Variants in PKHD1 observed in about 807,000 individuals in gnomAD.
PKHD1 encodes fibrocystin.
A neutral mutation model predicts 412.0 loss-of-function variants in PKHD1; 291 were observed. The ratio of observed to expected loss-of-function variants is 0.71; its 90% CI spans 0.64 to 0.78. The LOEUF (loss-of-function observed/expected upper bound fraction) is 0.78, where lower values mean the gene tolerates loss of function less well. Ranked by LOEUF, PKHD1 falls within the 30% of genes least tolerant of loss-of-function variation. PKHD1 has a pLI of 0.00. For missense variants in PKHD1, 4,825 were observed against 4,950.7 expected (o/e 0.97, Z 0.76); for synonymous variants, 1,777 against 1,821.5 (o/e 0.98, Z 0.62).
intron 55 of PKHD1, among the ~76,000 whole-genome samples, chr6:51,763,830 A>G (rs1788456532): frequency 6.6e-6 from 1 of 151,996 alleles, no homozygotes; most frequent in Non-Finnish European, 1.5e-5. Context: ...TGCTGTCTAC[A>G]TTCTGCCTAC....
chr6:51,831,240 C>T (rs1768193381), intron 51 of PKHD1, among the ~76,000 whole-genome samples: 1 of 152,096 alleles, frequency 6.6e-6, no homozygotes, highest in African/African-American at 2.4e-5. Flanking sequence ...ATATGGCATG[C>T]TTATCATGAA....
intron 60 of PKHD1, among the ~76,000 whole-genome samples, chr6:51,711,788 T>C (rs750457137): frequency 2.6e-5 from 4 of 152,252 alleles, no homozygotes; most frequent in South Asian, 2.1e-4. Context: ...AAGAAATGTG[T>C]ATTTTATTAA....
At chr6:51,987,605 T>C (rs1474657273) in intron 35 of PKHD1, among the ~76,000 whole-genome samples, 1 of 152,112 alleles carries the variant, frequency 6.6e-6, no homozygotes, top group Non-Finnish European at 1.5e-5. Context: ...AAAAGTTTCA[T>C]AAATCTGAAA....
At chr6:51,999,634 A>T (rs937114335) in intron 35 of PKHD1, among the ~76,000 whole-genome samples, 2 of 152,166 alleles carry the variant, frequency 1.3e-5, no homozygotes, top group Non-Finnish European at 2.9e-5. Flanking sequence ...AATCAACAAG[A>T]ATTAAAAAGA....
At chr6:51,699,720 G>A (rs1489906894) in intron 60 of PKHD1, among the ~76,000 whole-genome samples, 1 of 152,074 alleles carries the variant, frequency 6.6e-6, no homozygotes, top group Non-Finnish European at 1.5e-5. Context: ...TATATAATGT[G>A]ACAGAGGAAG....
At chr6:51,637,911 CA>C (rs1042618803) in intron 64 of PKHD1, among the ~76,000 whole-genome samples, 7 of 149,072 alleles carry the variant, frequency 4.7e-5, no homozygotes, top group East Asian at 1.9e-4. Flanking sequence ...CTCAAAAAAA[CA>C]AAAAAAAATC....
chr6:52,059,882 A>G (rs1808412597), intron 15 of PKHD1, 46 bp downstream of exon 15: 1 of 895,982 alleles, frequency 1.1e-6, no homozygotes, highest in Non-Finnish European at 1.9e-6. Flanking sequence ...CTTCATGGGT[A>G]TGGGACTGGC....
chr6:51,643,751 C>CCT (rs1581803629), intron 63 of PKHD1, among the ~76,000 whole-genome samples: 1 of 152,120 alleles, frequency 6.6e-6, no homozygotes, highest in East Asian at 1.9e-4. Flanking sequence ...CGTAGGCAAA[C>CCT]ATGCGCCGTG....
chr6:51,773,196 A>G (rs1011757616), intron 54 of PKHD1, among the ~76,000 whole-genome samples: 1 of 151,822 alleles, frequency 6.6e-6, no homozygotes, highest in Non-Finnish European at 1.5e-5. Flanking sequence ...GGTTAACTCT[A>G]TTTCCTTAGG....
intron 36 of PKHD1, among the ~76,000 whole-genome samples, chr6:51,942,087 CA>C (rs1174012584): frequency 6.6e-6 from 1 of 151,684 alleles, no homozygotes; most frequent in Non-Finnish European, 1.5e-5. Context: ...GCCATCCTAA[CA>C]AAGCCATTAT....
intron 29 of PKHD1, among the ~76,000 whole-genome samples, chr6:52,030,610 C>T (rs1209076376): frequency 6.6e-6 from 1 of 151,602 alleles, no homozygotes; most frequent in Non-Finnish European, 1.5e-5. Flanking sequence ...AGTCTCCCAG[C>T]ATGAGACCTT....
intron 11 of PKHD1, among the ~76,000 whole-genome samples, chr6:52,067,603 G>A (rs751198346): frequency 1.4e-4 from 21 of 152,146 alleles, no homozygotes; most frequent in Non-Finnish European, 2.4e-4. Context: ...GGAGTATTGA[G>A]GTGTAGAAGA....
At chr6:51,660,432 A>T (rs1772645418) in intron 60 of PKHD1, among the ~76,000 whole-genome samples, 1 of 152,038 alleles carries the variant, frequency 6.6e-6, no homozygotes, top group African/African-American at 2.4e-5. Context: ...ACATAATTTA[A>T]CCAAATTCTG....
intron 36 of PKHD1, among the ~76,000 whole-genome samples, chr6:51,937,964 C>T (rs2127786840): frequency 6.6e-6 from 1 of 152,318 alleles, no homozygotes; most frequent in South Asian, 2.1e-4. Context: ...CCTAGCCTCA[C>T]AGGCTGGCTG....
At chr6:51,858,518 TA>T (rs1389080243) in intron 48 of PKHD1, among the ~76,000 whole-genome samples, 1 of 152,182 alleles carries the variant, frequency 6.6e-6, no homozygotes, top group East Asian at 1.9e-4. Context: ...TAGAAATATC[TA>T]AATTTCCTCA....
rs1259938028 is a variant in PKHD1 at position 52,062,532 on chromosome 6, C to T, written c.1105G>A (p.Gly369Arg). 1.2e-6 allele frequency: 2 copies of T among 1,613,944 alleles called. No homozygotes were observed. Among genetic ancestry groups the T allele is most frequent in the Non-Finnish European group, 1.7e-6 (2 of 1,179,948 alleles). Residue 369 changes from glycine (G) to arginine (R), a missense_variant, in exon 14 of 67, where the codon GGA becomes AGA. Coordinates refer to ENST00000371117, the MANE Select transcript of PKHD1 (RefSeq NM_138694.4). The stretch of plus-strand genomic sequence containing the variant: ...CCTACAACATACCTGAAAGGTTGTC[C>T]TTCCTGTGACCAAAACCCAAATGGA... ...SSPFGFWSQEGQPFRARLSGF... is the reference protein window; with the variant it reads ...SSPFGFWSQERQPFRARLSGF...
chr6:51,951,943 T>G (rs907005904), intron 36 of PKHD1, among the ~76,000 whole-genome samples: 2 of 152,220 alleles, frequency 1.3e-5, no homozygotes, highest in Non-Finnish European at 2.9e-5. Flanking sequence ...AACATTTATC[T>G]TTCATTACTG....
intron 60 of PKHD1, among the ~76,000 whole-genome samples, chr6:51,680,373 G>A (rs889115055): frequency 6.6e-6 from 1 of 151,846 alleles, no homozygotes; most frequent in Non-Finnish European, 1.5e-5. Flanking sequence ...TTATATGAAG[G>A]TTATTTTCAC....
chr6:51,852,732 GTT>G (rs61529648), intron 49 of PKHD1, among the ~76,000 whole-genome samples: 29 of 144,520 alleles, frequency 2.0e-4, no homozygotes, highest in Non-Finnish European at 3.0e-4. Context: ...TGCAAACCCT[GTT>G]TTTTTTTTTT....
Sources: allele counts gnomAD v4.1 joint callset (sites outside exome capture counted in the v4.1 genomes callset), GRCh38; gene constraint gnomAD v4.1.1; transcripts MANE v1.5; gene names NCBI Gene and HGNC (gene_info 2026-07-23, HGNC 2026-07-21).